The following OR10A2 variants were observed in gnomAD, a reference collection of about 807,000 sequenced individuals.
The protein encoded by OR10A2 is olfactory receptor 10A2.
In OR10A2, 15 loss-of-function variants were observed where a neutral mutation model predicts 13.7. The ratio of observed to expected loss-of-function variants is 1.10; its 90% CI spans 0.73 to 1.69. The LOEUF (loss-of-function observed/expected upper bound fraction) is 1.69, where lower values mean the gene tolerates loss of function less well. Ranked by LOEUF, OR10A2 falls within the 40% of genes most tolerant of loss-of-function variation. The pLI is 0.00. For missense variants in OR10A2, 343 were observed against 361.1 expected, an observed-to-expected ratio of 0.95 and a Z score of 0.41; for synonymous variants, 145 against 144.7, an observed-to-expected ratio of 1.00 and a Z score of -0.02.
At chr11:6,867,804 C>G (rs1178450803) in intron 1 of OR10A2, among the ~76,000 whole-genome samples, 3 of 152,106 alleles carry the variant, frequency 2.0e-5, no homozygotes, top group Non-Finnish European at 4.4e-5. Flanking sequence ...GGCTGGAGTG[C>G]AGTGGCACAA....
At position 6,870,917 on chromosome 11, in the gene OR10A2, T is replaced by C. The variant is rs970893501; in HGVS notation, c.*251T>C. ...GTTTCAACTGGTATGACAGCACTTC[T>C]GTGGCCAACTATTTCCAGGTGTTAT... On this transcript the variant is annotated 3_prime_UTR_variant, in exon 2 of 2. Transcript: ENST00000641461. The C allele has an allele frequency of 2.9e-5, 10 of 347,410 alleles. No individual in the cohort carries two copies. In the East Asian group the frequency reaches 3.2e-4, roughly 11 times the overall value. 21.5% of individuals were successfully genotyped at this position (347,410 alleles called of 1,614,324 possible). A position where few individuals can be genotyped will look rare whatever the true frequency, so the allele number is the denominator to read the frequency against.
At position 6,870,694 on chromosome 11, in the gene OR10A2, T is replaced by C; in HGVS notation, c.*28T>C. ...CTTAGGAAGTAAGGCTACATTTTAC[T>C]GGATGAGAAACAATCAGTCCCAGAT... On this transcript the variant is annotated 3_prime_UTR_variant, in exon 2 of 2. Transcript: ENST00000641461. 2 of 1,479,994 alleles carry C rather than the reference T, an allele frequency of 1.4e-6. No homozygotes were observed. The highest frequency in any genetic ancestry group is 2.7e-5 in the South Asian group (2 of 73,634). The allele number at this position is 1,479,994 out of a possible 1,614,324, so 91.7% of individuals were successfully genotyped here.
In OR10A2 at chr11:6,869,694, G is replaced by T; in HGVS notation, c.-61G>T. The T allele has an allele frequency of 7.4e-7, 1 of 1,358,678 alleles. No individual in the cohort carries two copies. The highest frequency in any genetic ancestry group is 1.0e-6 in the Non-Finnish European group (1 of 962,114). 84.2% of individuals were successfully genotyped at this position (1,358,678 alleles called of 1,614,324 possible). ...TAATCTTTCTCCATGACCACAGTTG[G>T]GGACTTCTGCCCACACTTATAGCTA... is the stretch of plus-strand genomic sequence containing the variant. On this transcript the variant is annotated 5_prime_UTR_variant, in exon 2 of 2. Coordinates refer to ENST00000641461, the MANE Select transcript of OR10A2 (RefSeq NM_001004460.2).
chr11:6,868,791 T>G (rs925428680), intron 1 of OR10A2, among the ~76,000 whole-genome samples: 6 of 152,196 alleles, frequency 3.9e-5, no homozygotes, highest in African/African-American at 1.2e-4. Flanking sequence ...TTCAATATTC[T>G]AGATTACGAA....
Position 6,865,093 on chromosome 11 carries a change from G to A in OR10A2, c.-133+1742G>A, listed in dbSNP as rs868048389. On this transcript the variant is annotated intron_variant, in intron 1 of 1. Coordinates refer to ENST00000641461, the MANE Select transcript of OR10A2 (RefSeq NM_001004460.2). ...TATTTCTATATATGATAATATATATGAATAAAAATATATATTTATATATTT... is the reference window on the plus strand; with the variant it reads ...TATTTCTATATATGATAATATATATAAATAAAAATATATATTTATATATTT... Among the ~76,000 whole-genome samples, 149 of 119,722 alleles carry A rather than the reference G, an allele frequency of 1.2e-3. 1 individual carries two copies. Among genetic ancestry groups the A allele is most frequent in the African/African-American group, 4.0e-3 (143 of 35,490 alleles). The allele number at this position is 119,722 out of a possible 152,430, so 78.5% of individuals were successfully genotyped here.
At chr11:6,869,320 AATGT>A (rs1848404714) in intron 1 of OR10A2, among the ~76,000 whole-genome samples, 1 of 152,204 alleles carries the variant, frequency 6.6e-6, no homozygotes, top group Non-Finnish European at 1.5e-5. Context: ...GATAAATTTA[AATGT>A]ATGTGTTCTT....
rs1848455530 is a variant in OR10A2 at position 6,873,380 on chromosome 11, C to T, written c.*2714C>T. On this transcript the variant is annotated 3_prime_UTR_variant, in exon 2 of 2. Coordinates refer to ENST00000641461, the MANE Select transcript of OR10A2 (RefSeq NM_001004460.2). ...CAGTAGAATGAAAATACCAACAATGCTTGGATTAGAACAATGATGCTTGAT... is the reference window on the plus strand; with the variant it reads ...CAGTAGAATGAAAATACCAACAATGTTTGGATTAGAACAATGATGCTTGAT... 6.6e-6 allele frequency: 1 copy of T among 152,134 alleles called. No individual in the cohort carries two copies. Among genetic ancestry groups the T allele is most frequent in the Admixed American group, 6.6e-5 (1 of 15,266 alleles). 9.4% of individuals were successfully genotyped at this position (152,134 alleles called of 1,614,324 possible).
chr11:6,870,601 G>C lies in OR10A2; in HGVS notation c.847G>C (p.Glu283Gln), dbSNP rs746159207. The C allele has an allele frequency of 6.2e-7, 1 of 1,613,514 alleles. No individual in the cohort carries two copies. Among genetic ancestry groups the C allele is most frequent in the Non-Finnish European group, 8.5e-7 (1 of 1,179,650 alleles). Reference sequence around the variant, plus strand: ...CATTATCTACAGCCTGAGAAATAACGAGGTGAAGAATGCCCTCAGCAGGAC... The same window carrying C: ...CATTATCTACAGCCTGAGAAATAACCAGGTGAAGAATGCCCTCAGCAGGAC... Reference protein sequence around the residue: ...NPIIYSLRNNEVKNALSRTVS... With the variant: ...NPIIYSLRNNQVKNALSRTVS... The change falls in exon 2 of 2, where the codon GAG (glutamate) becomes CAG (glutamine). Residue 283 changes from glutamate (E) to glutamine (Q), a missense_variant. Glu to Gln is a conservative substitution (Grantham distance 29, BLOSUM62 2). Transcript: ENST00000641461.
rs35120311 is a variant in OR10A2 at position 6,870,947 on chromosome 11, C to CTTT, written c.*296_*298dup. 231 of 138,428 alleles carry CTTT rather than the reference C, an allele frequency of 1.7e-3. No homozygotes were observed. The highest frequency in any genetic ancestry group is 0.015 in the Middle Eastern group (4 of 264). 8.6% of individuals were successfully genotyped at this position (138,428 alleles called of 1,614,324 possible). ...CCAACTATTTCCAGGTGTTATATTTCTTTTTTTTTTTTTTTTTGAGACGGA... is the reference window on the plus strand; with the variant it reads ...CCAACTATTTCCAGGTGTTATATTTCTTTTTTTTTTTTTTTTTTTTGAGACGGA... On this transcript the variant is annotated 3_prime_UTR_variant, in exon 2 of 2. Coordinates refer to ENST00000641461, the MANE Select transcript of OR10A2 (RefSeq NM_001004460.2).
rs534210948 is a variant in OR10A2, at chr11:6,872,342, C to T, written c.*1676C>T. On this transcript the variant is annotated 3_prime_UTR_variant, in exon 2 of 2. Transcript: ENST00000641461. The stretch of plus-strand genomic sequence containing the variant: ...GCAGAAATCACTCTTTCTGTATGCA[C>T]CCATTTCAAGTTTATTAATAAATAC... The T allele has an allele frequency of 2.6e-5, 4 of 152,256 alleles. No individual in the cohort carries two copies. In the East Asian group the frequency reaches 7.7e-4, roughly 29 times the overall value. The allele number at this position is 152,256 out of a possible 1,614,324, so 9.4% of individuals were successfully genotyped here. A position where few individuals can be genotyped will look rare whatever the true frequency, so the allele number is the denominator to read the frequency against.
Position 6,872,966 on chromosome 11 carries a change from T to C in OR10A2, c.*2300T>C, listed in dbSNP as rs1160084209. Reference sequence around the variant, plus strand: ...TCTTGAGTAGCTGGGATTACAGGCGTGCCAAGCCATGCCCAACTAATTTTT... The same window carrying C: ...TCTTGAGTAGCTGGGATTACAGGCGCGCCAAGCCATGCCCAACTAATTTTT... On this transcript the variant is annotated 3_prime_UTR_variant, in exon 2 of 2. Transcript: ENST00000641461. 6.8e-6 allele frequency: 1 copy of C among 146,748 alleles called. No individual in the cohort carries two copies. Among genetic ancestry groups the C allele is most frequent in the Non-Finnish European group, 1.5e-5 (1 of 67,078 alleles). 9.1% of individuals were successfully genotyped at this position (146,748 alleles called of 1,614,324 possible). A position where few individuals can be genotyped will look rare whatever the true frequency, so the allele number is the denominator to read the frequency against.
At chr11:6,869,343 T>C (rs1467061289) in intron 1 of OR10A2, among the ~76,000 whole-genome samples, 1 of 152,234 alleles carries the variant, frequency 6.6e-6, no homozygotes, top group African/African-American at 2.4e-5. Flanking sequence ...TTTTACGAGA[T>C]TATAAACACT....
At chr11:6,867,253 CCAGGCTAGAATGCAGCGGTG>C (rs1368034257) in intron 1 of OR10A2, among the ~76,000 whole-genome samples, 1 of 151,882 alleles carries the variant, frequency 6.6e-6, no homozygotes, top group Non-Finnish European at 1.5e-5. Flanking sequence ...CTTCTGTCAC[CCAGGCTAGAATGCAGCGGTG>C]CAGTCTTGGC....
At position 6,870,591 on chromosome 11, in the gene OR10A2, G is replaced by A. The variant is rs777393407; in HGVS notation, c.837G>A (p.Leu279=). The change falls in exon 2 of 2, where the codon CTG becomes CTA. Residue 279 remains leucine, a synonymous_variant. Coordinates refer to ENST00000641461, the MANE Select transcript of OR10A2 (RefSeq NM_001004460.2). ...TGTTGAACCCCATTATCTACAGCCT[G>A]AGAAATAACGAGGTGAAGAATGCCC... ...TPMLNPIIYS[L]RNNEVKNALS... is the part of the protein sequence containing the mutation. 8.7e-6 allele frequency: 14 copies of A among 1,613,710 alleles called. No individual in the cohort carries two copies. The highest frequency in any genetic ancestry group is 2.2e-5 in the East Asian group (1 of 44,902).
chr11:6,870,845 A>G lies in OR10A2; in HGVS notation c.*179A>G. The G allele has an allele frequency of 3.9e-6, 2 of 511,604 alleles. No individual in the cohort carries two copies. The highest frequency in any genetic ancestry group is 3.0e-5 in the East Asian group (1 of 33,798). 31.7% of individuals were successfully genotyped at this position (511,604 alleles called of 1,614,324 possible). ...TAGTTTCGACCTAGCACCACCAACT[A>G]TGAAAACTCCTCTGCCTGCCCATTG... On this transcript the variant is annotated 3_prime_UTR_variant, in exon 2 of 2. Coordinates refer to ENST00000641461, the MANE Select transcript of OR10A2 (RefSeq NM_001004460.2).
At chr11:6,867,490 G>A (rs1373325151) in intron 1 of OR10A2, among the ~76,000 whole-genome samples, 1 of 152,190 alleles carries the variant, frequency 6.6e-6, no homozygotes, top group African/African-American at 2.4e-5. Flanking sequence ...GGGATTACAG[G>A]CATGAGCCAC....
At chr11:6,864,297 G>A (rs1356522846) in intron 1 of OR10A2, among the ~76,000 whole-genome samples, 6 of 126,282 alleles carry the variant, frequency 4.8e-5, no homozygotes, top group African/African-American at 5.9e-5. Flanking sequence ...GTTAAAGTGC[G>A]GTTCTAACAA....
At chr11:6,868,436 C>G (rs1171548376) in intron 1 of OR10A2, among the ~76,000 whole-genome samples, 1 of 152,072 alleles carries the variant, frequency 6.6e-6, no homozygotes, top group East Asian at 1.9e-4. Context: ...CCTTCTCTAT[C>G]CCATTCTATC....
At chr11:6,867,136 G>A (rs1208058399) in intron 1 of OR10A2, among the ~76,000 whole-genome samples, 1 of 151,896 alleles carries the variant, frequency 6.6e-6, no homozygotes, top group African/African-American at 2.4e-5. Flanking sequence ...CAATAATCAT[G>A]GCTTTGTTTT....
Sources: allele counts gnomAD v4.1 joint callset (sites outside exome capture counted in the v4.1 genomes callset), GRCh38; gene constraint gnomAD v4.1.1; transcripts MANE v1.5; gene names NCBI Gene and HGNC (gene_info 2026-07-23, HGNC 2026-07-21).